The following MACF1 variants were observed in gnomAD, a reference collection of about 807,000 sequenced individuals.
The protein encoded by MACF1 is microtubule actin crosslinking factor 1, also known as microtubule-actin cross-linking factor 1.
A neutral mutation model predicts 854.8 loss-of-function variants in MACF1; 193 were observed. The ratio of observed to expected loss-of-function variants is 0.23; its 90% CI spans 0.20 to 0.25. MACF1 has a LOEUF of 0.25. Among genes scored for constraint, MACF1 ranks in the 10% least tolerant of loss-of-function variants. MACF1 has a pLI of 1.00. For missense variants in MACF1, 7,722 were observed against 8,929.1 expected, an observed-to-expected ratio of 0.86 and a Z score of 5.45; for synonymous variants, 3,185 against 3,226.7, an observed-to-expected ratio of 0.99 and a Z score of 0.44.
intron 56 of MACF1, among the ~76,000 whole-genome samples, chr1:39,383,152 A>G (rs1378080158): frequency 6.6e-6 from 1 of 152,160 alleles, no homozygotes; most frequent in African/African-American, 2.4e-5. Flanking sequence ...GGTCAAAATT[A>G]TGTCATTCCC....
intron 2 of MACF1, among the ~76,000 whole-genome samples, chr1:39,190,811 A>G (rs1008038730): frequency 6.6e-6 from 1 of 152,032 alleles, no homozygotes; most frequent in Non-Finnish European, 1.5e-5. Context: ...GTTGGCCAAC[A>G]TGGCGAAACC....
At chr1:39,259,779 C>T (rs2148344510) in intron 6 of MACF1, among the ~76,000 whole-genome samples, 1 of 152,016 alleles carries the variant, frequency 6.6e-6, no homozygotes, top group East Asian at 1.9e-4. Flanking sequence ...TGCACCACTA[C>T]ACCCGGCTAA....
At chr1:39,114,455 C>T (rs1189799179) in intron 2 of MACF1, among the ~76,000 whole-genome samples, 1 of 151,962 alleles carries the variant, frequency 6.6e-6, no homozygotes, top group Non-Finnish European at 1.5e-5. Context: ...CATAAAACTT[C>T]ATTATGGAAA....
intron 58 of MACF1, among the ~76,000 whole-genome samples, chr1:39,419,527 A>G (rs1204126840): frequency 6.6e-6 from 1 of 152,268 alleles, no homozygotes; most frequent in Non-Finnish European, 1.5e-5. Flanking sequence ...CAAAATTTTA[A>G]TAAATCTGAA....
chr1:39,426,029 T>G (rs1643715575), intron 61 of MACF1, among the ~76,000 whole-genome samples: 2 of 152,194 alleles, frequency 1.3e-5, no homozygotes, highest in South Asian at 4.1e-4. Context: ...AAAATACCTT[T>G]AATCTTATTA....
chr1:39,165,681 G>A (rs1643875391), intron 2 of MACF1, among the ~76,000 whole-genome samples: 1 of 152,094 alleles, frequency 6.6e-6, no homozygotes, highest in African/African-American at 2.4e-5. Flanking sequence ...ATGCTGCTGT[G>A]GTTTCTATTG....
rs1444464454 is a variant in MACF1, at chr1:39,385,856, G to A, written c.14271G>A (p.Gln4757=). The A allele has an allele frequency of 6.2e-7, 1 of 1,614,146 alleles. No individual in the cohort carries two copies. The highest frequency in any genetic ancestry group is 2.2e-5 in the East Asian group (1 of 44,882). The change falls in exon 57 of 101, where the codon CAG becomes CAA. Residue 4757 remains glutamine, a synonymous_variant. Transcript: ENST00000564288. Reference sequence around the variant, plus strand: ...AACTCTCAGTGCTCATTGGTGAGCAGTACCTCAAGGATGAACTGAAGAAGC... The same window carrying A: ...AACTCTCAGTGCTCATTGGTGAGCAATACCTCAAGGATGAACTGAAGAAGC... ...CDELSVLIGE[Q]YLKDELKKRL... is the part of the protein sequence containing the mutation.
At chr1:39,156,728 T>C (rs1007873495) in intron 2 of MACF1, among the ~76,000 whole-genome samples, 3 of 152,230 alleles carry the variant, frequency 2.0e-5, no homozygotes, top group African/African-American at 7.2e-5. Context: ...TCTATATTTG[T>C]GTTTTTTACT....
In MACF1 at chr1:39,477,743, A is replaced by G. The variant is rs191978599; in HGVS notation, c.21959-2055A>G. On this transcript the variant is annotated intron_variant, in intron 97 of 100. Transcript: ENST00000564288. ...AGACGTGGGTTCTAGGTCCACCTCTACTGCCACTTTGCTTGACCTCAGCCT... is the reference window on the plus strand; with the variant it reads ...AGACGTGGGTTCTAGGTCCACCTCTGCTGCCACTTTGCTTGACCTCAGCCT... Among the ~76,000 whole-genome samples the G allele has an allele frequency of 8.7e-3, 1,327 of 152,100 alleles. 25 individuals are homozygous for G. The highest frequency in any genetic ancestry group is 0.03 in the African/African-American group (1,250 of 41,476).
intron 99 of MACF1, 87 bp downstream of exon 99, chr1:39,481,117 CCCTGCACT>C (rs1645004596): frequency 5.3e-6 from 4 of 760,218 alleles, no homozygotes; most frequent in Non-Finnish European, 8.9e-6. Flanking sequence ...TGACACGAAT[CCCTGCACT>C]CTTTCATCTC....
chr1:39,193,004 T>C (rs771547576), intron 2 of MACF1, among the ~76,000 whole-genome samples: 2 of 151,928 alleles, frequency 1.3e-5, no homozygotes, highest in Non-Finnish European at 2.9e-5. Context: ...CCCAGCTACT[T>C]GGGAGGCTGA....
chr1:39,292,096 A>G, intron 16 of MACF1, 58 bp downstream of exon 16: 1 of 1,590,258 alleles, frequency 6.3e-7, no homozygotes, highest in East Asian at 2.3e-5. Flanking sequence ...GGATGAAAGG[A>G]CAGTACACAC....
At chr1:39,319,529 ATG>A in intron 30 of MACF1, 133 bp from the exon 31 acceptor site, 1 of 588,626 alleles carries the variant, frequency 1.7e-6, no homozygotes, top group Non-Finnish European at 3.0e-6. Context: ...GCCCAGCAGT[ATG>A]TGTTTTAACC....
intron 54 of MACF1, among the ~76,000 whole-genome samples, chr1:39,380,042 C>G (rs955372198): frequency 3.3e-5 from 5 of 152,124 alleles, no homozygotes; most frequent in Non-Finnish European, 5.9e-5. Context: ...ATAAAAGAAA[C>G]TCAGATCCTG....
intron 27 of MACF1, 102 bp downstream of exon 27, chr1:39,315,793 T>A: frequency 1.7e-6 from 2 of 1,178,100 alleles, no homozygotes; most frequent in Non-Finnish European, 2.4e-6. Context: ...AGATTATAGA[T>A]CCTGAAGAGC....
Position 39,485,495 on chromosome 1 carries a change from A to G in MACF1, c.22412-43A>G, listed in dbSNP as rs537217412. The G allele has an allele frequency of 3.6e-5, 55 of 1,540,512 alleles. No homozygotes were observed. The East Asian group carries it at 8.3e-4, about 23-fold the overall frequency. On this transcript the variant is annotated intron_variant, in intron 100 of 100. Coordinates refer to ENST00000564288, the MANE Select transcript of MACF1 (RefSeq NM_001394062.1). ...TTCTGCTCACTTGTTCTTCCACCCCATGCCATCTCTATTAAGTCTGCTGTT... is the reference window on the plus strand; with the variant it reads ...TTCTGCTCACTTGTTCTTCCACCCCGTGCCATCTCTATTAAGTCTGCTGTT...
intron 1 of MACF1, among the ~76,000 whole-genome samples, chr1:39,210,096 A>G (rs1180606285): frequency 6.8e-6 from 1 of 147,350 alleles, no homozygotes; most frequent in African/African-American, 2.5e-5. Context: ...TCTCAGGAGA[A>G]AAAAAAAAAA....
intron 58 of MACF1, chr1:39,412,851 A>C: frequency 6.2e-7 from 1 of 1,611,220 alleles, no homozygotes. Flanking sequence ...CAATTGCTGC[A>C]GTGCCTGCCC....
rs755591226 is a variant in MACF1 at position 39,233,808 on chromosome 1, T to TTTTTTTTTTTTA, written c.171+2565_171+2566insTTTTTTTTTTTA. ...TTTTTTTTTTTTTTTATTTATTTTTTATTGATAATTCTTGGGTGTTTCTCA... is the reference window on the plus strand; with the variant it reads ...TTTTTTTTTTTTTTTATTTATTTTTTTTTTTTTTTTTAATTGATAATTCTTGGGTGTTTCTCA... On this transcript the variant is annotated intron_variant, in intron 2 of 100. Transcript: ENST00000564288. Among the ~76,000 whole-genome samples, 246 of 65,788 alleles carry TTTTTTTTTTTTA rather than the reference T, an allele frequency of 3.7e-3. 80 individuals are homozygous for TTTTTTTTTTTTA. The highest frequency in any genetic ancestry group is 7.1e-3 in the South Asian group (8 of 1,120). 43.2% of individuals were successfully genotyped at this position (65,788 alleles called of 152,430 possible).
Sources: gnomAD v4.1 joint callset for allele counts (sites outside exome capture counted in the v4.1 genomes callset) on GRCh38, gnomAD v4.1.1 for gene constraint, MANE v1.5 for transcripts, NCBI Gene and HGNC (gene_info 2026-07-23, HGNC 2026-07-21) for gene names.